TLK1: variants seen among roughly 807,000 people sequenced by gnomAD.
TLK1 encodes the protein tousled like kinase 1, also known as serine/threonine-protein kinase tousled-like 1.
Under a neutral mutation model 105.3 loss-of-function variants are expected in TLK1, and 24 were observed. The observed-to-expected ratio is 0.23, with a 90% CI of 0.17 to 0.32. The LOEUF is 0.32. Ranked by LOEUF, TLK1 falls within the 10% of genes least tolerant of loss-of-function variation. The probability of loss-of-function intolerance (pLI) is 1.00; values close to 1 mark genes in which losing one functional copy is unlikely to be tolerated. For missense variants in TLK1, 558 were observed against 910.5 expected, an observed-to-expected ratio of 0.61 and a Z score of 4.98; for synonymous variants, 321 against 310.4, an observed-to-expected ratio of 1.03 and a Z score of -0.36.
At chr2:171,058,025 G>T in intron 5 of TLK1, 126 bp downstream of exon 5, 1 of 848,356 alleles carries the variant, frequency 1.2e-6, no homozygotes, top group Non-Finnish European at 1.9e-6. Flanking sequence ...ATATCACATA[G>T]TAATAAAGCT....
intron 1 of TLK1, among the ~76,000 whole-genome samples, chr2:171,131,583 A>AT (rs1691109184): frequency 6.6e-6 from 1 of 152,204 alleles, no homozygotes; most frequent in South Asian, 2.1e-4. Context: ...TTCTGACTTC[A>AT]TATTTCTTCA....
upstream of TLK1, among the ~76,000 whole-genome samples, chr2:171,164,212 A>T (rs1354446755): frequency 6.6e-6 from 1 of 152,004 alleles, no homozygotes; most frequent in East Asian, 1.9e-4. Flanking sequence ...ACCAACCTTT[A>T]AAAAAAAGGC....
intron 1 of TLK1, among the ~76,000 whole-genome samples, chr2:171,202,582 C>G (rs892590298): frequency 3.9e-5 from 6 of 152,124 alleles, no homozygotes; most frequent in African/African-American, 1.4e-4. Context: ...TACAGCGAAA[C>G]CCTGTGTCTA....
intron 1 of TLK1, among the ~76,000 whole-genome samples, chr2:171,129,816 T>G (rs1276476309): frequency 7.1e-6 from 1 of 140,752 alleles, no homozygotes; most frequent in East Asian, 2.1e-4. Context: ...GCCTGGGATA[T>G]AGATAGGTTA....
At position 171,230,719 on chromosome 2, in the gene TLK1, A is replaced by T. The variant is rs78919169; in HGVS notation, c.-6+426T>A. Among the ~76,000 whole-genome samples, 104 of 152,344 alleles carry T rather than the reference A, an allele frequency of 6.8e-4. 1 individual carries two copies. In the East Asian group the frequency reaches 0.02, roughly 29 times the overall value. ...ATTGACCTGCCCCAATTCATCAGGC[A>T]ACAGACCTACTACAGTTACATAATC... is the stretch of plus-strand genomic sequence containing the variant. On this transcript the variant is annotated intron_variant, in intron 1 of 20. Coordinates refer to the TLK1 transcript ENST00000521943.
At chr2:171,011,570 T>A in intron 13 of TLK1, 116 bp from the exon 14 acceptor site, 1 of 781,752 alleles carries the variant, frequency 1.3e-6, no homozygotes, top group Non-Finnish European at 2.0e-6. Flanking sequence ...GTTACTCCAC[T>A]GCTAATTTCA....
At position 171,011,016 on chromosome 2, in the gene TLK1, T is replaced by G. The variant is rs1313331283; in HGVS notation, c.1416+357A>C. Among the ~76,000 whole-genome samples the G allele has an allele frequency of 2.6e-5, 4 of 152,308 alleles. No homozygotes were observed. The East Asian group carries it at 7.7e-4, about 29-fold the overall frequency. ...ACAAAAGACAAGTACTTCTTTTTTTTGTTTTTGAGACAGGGTCTTGCTCTG... is the reference window on the plus strand; with the variant it reads ...ACAAAAGACAAGTACTTCTTTTTTTGGTTTTTGAGACAGGGTCTTGCTCTG... On this transcript the variant is annotated intron_variant, in intron 14 of 20. Coordinates refer to ENST00000431350, the MANE Select transcript of TLK1 (RefSeq NM_012290.5).
At chr2:171,041,069 AAAATGTATTAGTAAAGGAAAATCAATGT>A (rs1372542037) in intron 11 of TLK1, among the ~76,000 whole-genome samples, 5 of 152,204 alleles carry the variant, frequency 3.3e-5, no homozygotes, top group African/African-American at 1.2e-4. Flanking sequence ...AATCTTGGTT[AAAATGTATTAGTAAAGGAAAATCAATGT>A]AAGTGTCAAC....
chr2:171,113,792 C>T (rs1386854876), intron 2 of TLK1, among the ~76,000 whole-genome samples: 1 of 152,072 alleles, frequency 6.6e-6, no homozygotes, highest in African/African-American at 2.4e-5. Flanking sequence ...TGATAGTAAA[C>T]CTATAAAATT....
At chr2:171,215,275 A>G (rs955100148) in intron 1 of TLK1, among the ~76,000 whole-genome samples, 11 of 151,852 alleles carry the variant, frequency 7.2e-5, no homozygotes, top group African/African-American at 2.7e-4. Context: ...TCTCCACCTC[A>G]CCTTCCACTC....
At chr2:171,119,724 GATC>G (rs1247907230) in intron 1 of TLK1, among the ~76,000 whole-genome samples, 5 of 152,182 alleles carry the variant, frequency 3.3e-5, no homozygotes, top group Admixed American at 1.3e-4. Flanking sequence ...AGTGGAGAAA[GATC>G]AGTCTTTTCA....
chr2:171,156,893 C>T (rs538460643), intron 1 of TLK1, among the ~76,000 whole-genome samples: 128 of 152,030 alleles, frequency 8.4e-4, no homozygotes, highest in Non-Finnish European at 1.5e-3. Context: ...TGCAATGACG[C>T]TATCTAGGCT....
At chr2:171,228,959 C>T (rs1022201825) in intron 1 of TLK1, among the ~76,000 whole-genome samples, 4 of 152,180 alleles carry the variant, frequency 2.6e-5, no homozygotes, top group Admixed American at 2.0e-4. Flanking sequence ...CAGAATTGGG[C>T]ATCTGACCTG....
In TLK1 at chr2:171,056,459, A is replaced by C. The variant is rs772622115; in HGVS notation, c.549+12T>G. The C allele has an allele frequency of 6.2e-7, 1 of 1,609,758 alleles. No individual in the cohort carries two copies. Among genetic ancestry groups the C allele is most frequent in the Non-Finnish European group, 8.5e-7 (1 of 1,177,914 alleles). ...CAAAGACTACACATGAAAAACTTGA[A>C]AGATGACTTACAGATGAGGAAGGAG... On this transcript the variant is annotated intron_variant, in intron 6 of 20. Coordinates refer to ENST00000431350, the MANE Select transcript of TLK1 (RefSeq NM_012290.5).
In TLK1 at chr2:171,160,546, G is replaced by A; in HGVS notation, c.-118C>T. 6.5e-7 allele frequency: 1 copy of A among 1,540,398 alleles called. No homozygotes were observed. Among genetic ancestry groups the A allele is most frequent in the Non-Finnish European group, 8.7e-7 (1 of 1,147,456 alleles). On this transcript the variant is annotated 5_prime_UTR_variant, in exon 1 of 21. Coordinates refer to ENST00000431350, the MANE Select transcript of TLK1 (RefSeq NM_012290.5). The surrounding 1 kb of genome is among the most constrained non-coding windows in gnomAD (Gnocchi z 4.4). ...GAGGGCGAGCGAGAGAGCGAGGGCT[G>A]GGAGGGGAGAGTCAAGGGGATGGGG...
chr2:171,111,303 T>C (rs1226595790), intron 2 of TLK1, among the ~76,000 whole-genome samples: 1 of 152,214 alleles, frequency 6.6e-6, no homozygotes, highest in Non-Finnish European at 1.5e-5. Flanking sequence ...CTGAGCACAG[T>C]GGCTCACACC....
chr2:171,148,699 A>T (rs1468922849), intron 1 of TLK1, among the ~76,000 whole-genome samples: 1 of 151,054 alleles, frequency 6.6e-6, no homozygotes, highest in Non-Finnish European at 1.5e-5. Flanking sequence ...CCTGGCCAAC[A>T]TGGTGACACC....
In TLK1 at chr2:171,017,283, T is replaced by C. The variant is rs556969605; in HGVS notation, c.1237-2335A>G. On this transcript the variant is annotated intron_variant, in intron 12 of 20. Coordinates refer to ENST00000431350, the MANE Select transcript of TLK1 (RefSeq NM_012290.5). ...ATCTAGACTAGAATCTAGAAAGCAA[T>C]GACTCTTTCCCTTCATGTTACTAAT... Among the ~76,000 whole-genome samples, 10 of 152,140 alleles carry C rather than the reference T, an allele frequency of 6.6e-5. No individual in the cohort carries two copies. In the South Asian group the frequency reaches 2.1e-3, roughly 32 times the overall value.
intron 1 of TLK1, among the ~76,000 whole-genome samples, chr2:171,120,879 G>A (rs1404002122): frequency 6.6e-6 from 1 of 152,168 alleles, no homozygotes; most frequent in Non-Finnish European, 1.5e-5. Flanking sequence ...TTAGCCTAAA[G>A]GTAGAAGCAA....
Sources: allele counts gnomAD v4.1 joint callset (sites outside exome capture counted in the v4.1 genomes callset), GRCh38; gene constraint gnomAD v4.1.1; non-coding constraint Gnocchi (gnomAD v3.1); transcripts MANE v1.5; gene names NCBI Gene and HGNC (gene_info 2026-07-23, HGNC 2026-07-21).